Variants in MSR1 observed in about 807,000 individuals in gnomAD.
MSR1 encodes macrophage scavenger receptor 1.
A neutral mutation model predicts 47.2 loss-of-function variants in MSR1; 53 were observed. The observed-to-expected ratio is 1.12, with a 90% confidence interval of 0.90 to 1.41. MSR1 has a LOEUF of 1.41. Among genes scored for constraint, MSR1 ranks in the 40% most tolerant of loss-of-function variants. The pLI is 0.00. For missense variants in MSR1, 786 were observed against 546.9 expected, an observed-to-expected ratio of 1.44 and a Z score of -4.36; for synonymous variants, 239 against 185.6, an observed-to-expected ratio of 1.29 and a Z score of -2.34.
chr8:16,140,573 T>C, intron 8 of MSR1: 4 of 1,057,400 alleles, frequency 3.8e-6, no homozygotes, highest in Non-Finnish European at 3.4e-6. Flanking sequence ...TATTGTATGG[T>C]AGGAATCGCT....
chr8:16,156,019 T>C (rs778233081), intron 5 of MSR1, among the ~76,000 whole-genome samples: 2 of 151,830 alleles, frequency 1.3e-5, no homozygotes, highest in South Asian at 2.1e-4. Flanking sequence ...AAAATGATTA[T>C]ACCTAGCATG....
At chr8:16,182,321 T>G (rs1173652846) in intron 1 of MSR1, among the ~76,000 whole-genome samples, 1 of 152,076 alleles carries the variant, frequency 6.6e-6, no homozygotes, top group African/African-American at 2.4e-5. Flanking sequence ...GAGCGGTGAG[T>G]GAATGTGAAA....
At chr8:16,113,505 T>C (rs184697083) in intron 9 of MSR1, among the ~76,000 whole-genome samples, 102 of 152,344 alleles carry the variant, frequency 6.7e-4, no homozygotes, top group African/African-American at 2.3e-3. Context: ...TAAATTTGTA[T>C]GACTTTTAAG....
At chr8:16,186,215 G>A in intron 1 of MSR1, 2 of 1,535,076 alleles carry the variant, frequency 1.3e-6, no homozygotes, top group Non-Finnish European at 1.7e-6. Flanking sequence ...ACATCCAGGG[G>A]AGTTTTATTT....
At chr8:16,180,678 G>A (rs140166615) in intron 1 of MSR1, among the ~76,000 whole-genome samples, 6 of 152,276 alleles carry the variant, frequency 3.9e-5, no homozygotes, top group African/African-American at 1.2e-4. Flanking sequence ...AATGAAGGGC[G>A]ATCATTCAGA....
At chr8:16,138,446 G>A (rs1421863912) in intron 8 of MSR1, among the ~76,000 whole-genome samples, 2 of 152,108 alleles carry the variant, frequency 1.3e-5, no homozygotes, top group African/African-American at 4.8e-5. Flanking sequence ...TGCCATTTGT[G>A]CCAATAATTT....
At chr8:16,143,470 C>G in intron 8 of MSR1, 88 bp downstream of exon 8, 2 of 1,205,840 alleles carry the variant, frequency 1.7e-6, no homozygotes, top group East Asian at 2.4e-5. Context: ...GCTGAAGTTG[C>G]GAACATTTGC....
intron 9 of MSR1, among the ~76,000 whole-genome samples, chr8:16,113,997 T>C (rs946476003): frequency 3.3e-5 from 5 of 151,262 alleles, no homozygotes; most frequent in African/African-American, 1.2e-4. Context: ...AAATATGCTA[T>C]TTTTCTGTGA....
intron 5 of MSR1, among the ~76,000 whole-genome samples, chr8:16,157,401 G>A (rs1054569223): frequency 6.6e-6 from 1 of 151,762 alleles, no homozygotes; most frequent in African/African-American, 2.4e-5. Context: ...ATCCCTCTCT[G>A]TATTTTTATA....
At chr8:16,148,692 C>A (rs1442833499) in intron 7 of MSR1, among the ~76,000 whole-genome samples, 1 of 151,962 alleles carries the variant, frequency 6.6e-6, no homozygotes, top group African/African-American at 2.4e-5. Context: ...ATCCGCCCAC[C>A]TCAGTGATCT....
chr8:16,115,736 G>A (rs1217170735), intron 9 of MSR1, among the ~76,000 whole-genome samples: 2 of 152,096 alleles, frequency 1.3e-5, no homozygotes, highest in East Asian at 3.9e-4. Context: ...CCAGTACTTT[G>A]GGAGGCTGAG....
chr8:16,167,193 A>G (rs1289224750), intron 4 of MSR1, among the ~76,000 whole-genome samples: 1 of 152,138 alleles, frequency 6.6e-6, no homozygotes, highest in Non-Finnish European at 1.5e-5. Flanking sequence ...CAAAATTTCT[A>G]CCACCTTCCA....
At chr8:16,171,248 A>G (rs1265159836) in intron 3 of MSR1, among the ~76,000 whole-genome samples, 5 of 151,748 alleles carry the variant, frequency 3.3e-5, no homozygotes, top group East Asian at 3.9e-4. Flanking sequence ...AAAAAAAAAA[A>G]AAGAAGCTGT....
intron 4 of MSR1, among the ~76,000 whole-genome samples, chr8:16,166,793 C>T (rs997649471): frequency 6.6e-6 from 1 of 152,064 alleles, no homozygotes; most frequent in Non-Finnish European, 1.5e-5. Flanking sequence ...CACTTATAAC[C>T]TATTTCCTCA....
At chr8:16,123,791 C>G (rs763926663) in intron 8 of MSR1, among the ~76,000 whole-genome samples, 11 of 152,074 alleles carry the variant, frequency 7.2e-5, no homozygotes, top group Non-Finnish European at 1.2e-4. Context: ...TTTAAGGACA[C>G]TGGATGTTTC....
chr8:16,119,002 C>T (rs1009254133), intron 9 of MSR1, among the ~76,000 whole-genome samples: 3 of 152,116 alleles, frequency 2.0e-5, no homozygotes, highest in Non-Finnish European at 4.4e-5. Context: ...AATTTGGAAA[C>T]TCCACAGATC....
chr8:16,165,732 G>C (rs535103048), intron 4 of MSR1, among the ~76,000 whole-genome samples: 3 of 152,258 alleles, frequency 2.0e-5, no homozygotes, highest in African/African-American at 7.2e-5. Flanking sequence ...AGAGGATCAA[G>C]ATGGTCAGAG....
At chr8:16,184,121 C>T (rs1252134324) in intron 1 of MSR1, among the ~76,000 whole-genome samples, 4 of 151,446 alleles carry the variant, frequency 2.6e-5, no homozygotes, top group Admixed American at 1.3e-4. Flanking sequence ...TTCATAAAGA[C>T]AACATTTATT....
At chr8:16,150,748 T>C (rs1258161972) in intron 6 of MSR1, among the ~76,000 whole-genome samples, 1 of 151,994 alleles carries the variant, frequency 6.6e-6, no homozygotes, top group Non-Finnish European at 1.5e-5. Context: ...GAGTGTTTTA[T>C]AAAATAAATT....
Sources: gnomAD v4.1 joint callset for allele counts (sites outside exome capture counted in the v4.1 genomes callset) on GRCh38, gnomAD v4.1.1 for gene constraint, MANE v1.5 for transcripts, NCBI Gene and HGNC (gene_info 2026-07-23, HGNC 2026-07-21) for gene names.